The following ARID1A variants were observed in gnomAD, a reference collection of about 807,000 sequenced individuals.
ARID1A encodes the protein AT-rich interactive domain-containing protein 1A.
ARID1A carries 20 observed loss-of-function variants against 212.6 expected under a neutral mutation model. The observed-to-expected ratio is 0.09, with a 90% confidence interval of 0.07 to 0.14. ARID1A has a LOEUF of 0.14. ARID1A is among the 10% of genes least tolerant of loss of function. The pLI is 1.00. For missense variants in ARID1A, 2,587 were observed against 3,059.0 expected, an observed-to-expected ratio of 0.85 and a Z score of 3.64; for synonymous variants, 1,376 against 1,222.1, an observed-to-expected ratio of 1.13 and a Z score of -2.63.
chr1:26,732,770 A>G lies in ARID1A; in HGVS notation c.1898A>G (p.Gln633Arg). 1 of 1,613,956 alleles carries G rather than the reference A, an allele frequency of 6.2e-7. No individual in the cohort carries two copies. The highest frequency in any genetic ancestry group is 8.5e-7 in the Non-Finnish European group (1 of 1,179,814). Residue 633 changes from glutamine to arginine, a missense_variant, in exon 4 of 20, where the codon CAG becomes CGG. Transcript: ENST00000324856. ...CAAGAAGATATGAACCTGAGCCTTCAGTCAAGACCCTCCAGCTTGCCTGTG... is the reference window on the plus strand; with the variant it reads ...CAAGAAGATATGAACCTGAGCCTTCGGTCAAGACCCTCCAGCTTGCCTGTG... ...GGQEDMNLSL[Q>R]SRPSSLPDLS...
intron 19 of ARID1A, among the ~76,000 whole-genome samples, chr1:26,776,495 G>A (rs1339233754): frequency 6.6e-6 from 1 of 151,636 alleles, no homozygotes; most frequent in African/African-American, 2.4e-5. Context: ...GGATGGTCTC[G>A]ATCTCCTGAC....
rs2124062540 is a variant in ARID1A, at chr1:26,762,141, C to T, written c.2252-11C>T. 3 of 1,607,540 alleles carry T rather than the reference C, an allele frequency of 1.9e-6. No homozygotes were observed. The highest frequency in any genetic ancestry group is 1.7e-4 in the Middle Eastern group (1 of 6,034). On this transcript the variant is annotated splice_polypyrimidine_tract_variant and intron_variant, in intron 6 of 19. Transcript: ENST00000324856. ...AAAGCTAATAACTATATGGATGCTA[C>T]CCACAAATAGGTTATATGCAGAGGA...
chr1:26,737,971 C>T (rs1570582267), intron 4 of ARID1A, among the ~76,000 whole-genome samples: 1 of 151,764 alleles, frequency 6.6e-6, no homozygotes, highest in Non-Finnish European at 1.5e-5. Flanking sequence ...AGGTGAATCC[C>T]GATTTGCAGG....
chr1:26,754,665 T>C (rs897502875), intron 4 of ARID1A, among the ~76,000 whole-genome samples: 10 of 152,196 alleles, frequency 6.6e-5, no homozygotes, highest in Admixed American at 2.0e-4. Flanking sequence ...AGGCGTGACC[T>C]TTCTCCTCAG....
At chr1:26,709,455 G>A (rs1444640075) in intron 1 of ARID1A, among the ~76,000 whole-genome samples, 5 of 152,070 alleles carry the variant, frequency 3.3e-5, no homozygotes, top group African/African-American at 1.2e-4. Context: ...TAGGAAGATT[G>A]CAGCACTACC....
chr1:26,732,088 C>T (rs750669830), intron 3 of ARID1A, among the ~76,000 whole-genome samples: 1 of 152,152 alleles, frequency 6.6e-6, no homozygotes, highest in Non-Finnish European at 1.5e-5. Flanking sequence ...AGAATACTCT[C>T]AGTGGTGGCA....
intron 12 of ARID1A, 176 bp from the exon 13 acceptor site, chr1:26,772,324 C>T: frequency 2.2e-6 from 2 of 888,972 alleles, no homozygotes; most frequent in Non-Finnish European, 1.7e-6. Flanking sequence ...CTACAAAACC[C>T]TCAGATTCCC....
chr1:26,780,780 C>A lies in ARID1A; in HGVS notation c.*24C>A, dbSNP rs1441882203. The A allele has an allele frequency of 3.2e-6, 5 of 1,543,410 alleles. No individual in the cohort carries two copies. The highest frequency in any genetic ancestry group is 4.4e-6 in the Non-Finnish European group (5 of 1,146,262). On this transcript the variant is annotated 3_prime_UTR_variant, in exon 20 of 20. Coordinates refer to ENST00000324856, the MANE Select transcript of ARID1A (RefSeq NM_006015.6). The surrounding 1 kb of genome is among the most constrained non-coding windows in gnomAD (Gnocchi z 7.2). Reference sequence around the variant, plus strand: ...GACAGCCGTGGGACACCTCCCCCCCCCGTGTGTGTGTGCGTGTGTGGAGAA... The same window carrying A: ...GACAGCCGTGGGACACCTCCCCCCCACGTGTGTGTGTGCGTGTGTGGAGAA...
Position 26,696,315 on chromosome 1 carries a change from C to T in ARID1A, c.-89C>T, listed in dbSNP as rs1449697233. 2 of 1,191,236 alleles carry T rather than the reference C, an allele frequency of 1.7e-6. No homozygotes were observed. Among genetic ancestry groups the T allele is most frequent in the East Asian group, 3.5e-5 (1 of 28,614 alleles). The allele number at this position is 1,191,236 out of a possible 1,614,324, so 73.8% of individuals were successfully genotyped here. ...CCGCCCGGGCGGGTGGGGAGGGCAG[C>T]CCGGGGGACTGGGCCCCGGGGCGGG... On this transcript the variant is annotated 5_prime_UTR_variant, in exon 1 of 20. Coordinates refer to ENST00000324856, the MANE Select transcript of ARID1A (RefSeq NM_006015.6).
At chr1:26,706,288 C>T (rs1018990002) in intron 1 of ARID1A, among the ~76,000 whole-genome samples, 1 of 152,192 alleles carries the variant, frequency 6.6e-6, no homozygotes, top group South Asian at 2.1e-4. Flanking sequence ...TCATCACTAG[C>T]AGCCAAGATT....
At chr1:26,729,004 T>C in intron 1 of ARID1A, 1 of 152,232 alleles carries the variant, frequency 6.6e-6, no homozygotes, top group East Asian at 1.9e-4. Context: ...TACCATTGAA[T>C]CTTCTTGTCT....
At chr1:26,713,361 A>AT (rs200403424) in intron 1 of ARID1A, among the ~76,000 whole-genome samples, 3,118 of 137,978 alleles carry the variant, frequency 0.023, 51 homozygotes, top group African/African-American at 0.047. Flanking sequence ...GTGAAGATTG[A>AT]TTTTTTTTTT....
At chr1:26,767,556 G>T (rs1448398118) in intron 10 of ARID1A, among the ~76,000 whole-genome samples, 4 of 152,118 alleles carry the variant, frequency 2.6e-5, no homozygotes, top group Non-Finnish European at 4.4e-5. Flanking sequence ...ATATATAAAG[G>T]CATCTAGCAC....
chr1:26,770,998 A>C (rs1291383310), intron 11 of ARID1A, 121 bp from the exon 12 acceptor site: 2 of 864,148 alleles, frequency 2.3e-6, no homozygotes, highest in Non-Finnish European at 3.6e-6. Context: ...TAACTTTTTC[A>C]ATTACCTAAG....
At position 26,732,740 on chromosome 1, in the gene ARID1A, G is replaced by A. The variant is rs2124792561; in HGVS notation, c.1868G>A (p.Gly623Glu). The part of the protein sequence containing the change: ...SSAPSMTSSK[G>E]GQEDMNLSLQ... ...GCCCCCTCAATGACCTCCAGTAAGG[G>A]AGGGCAAGAAGATATGAACCTGAGC... Residue 623 changes from glycine to glutamate, a missense_variant, in exon 4 of 20, where the codon GGA (glycine) becomes GAA (glutamate). Around this residue, in one of 11 missense-constraint regions of ARID1A, gnomAD observed 674 missense variants for 813.4 expected, o/e 0.83. Transcript: ENST00000324856. 2.5e-6 allele frequency: 4 copies of A among 1,614,106 alleles called. No homozygotes were observed. The highest frequency in any genetic ancestry group is 3.4e-6 in the Non-Finnish European group (4 of 1,179,980).
Position 26,780,148 on chromosome 1 carries a change from G to T in ARID1A, c.6250G>T (p.Val2084Phe). The change falls in exon 20 of 20, where the codon GTC becomes TTC. Residue 2084 changes from valine to phenylalanine, a missense_variant. Transcript: ENST00000324856. This position sits in a 1 kb window ranked among gnomAD's most constrained non-coding sequence, Gnocchi z 7.2. Reference protein sequence around the residue: ...SPYPESICLPVLDGLLHWAVC... With the variant: ...SPYPESICLPFLDGLLHWAVC... ...ATACCCCGAGAGCATTTGCCTGCCTGTCCTGGACGGACTCCTACACTGGGC... is the reference window on the plus strand; with the variant it reads ...ATACCCCGAGAGCATTTGCCTGCCTTTCCTGGACGGACTCCTACACTGGGC... 6.2e-7 allele frequency: 1 copy of T among 1,614,158 alleles called. No homozygotes were observed. The highest frequency in any genetic ancestry group is 8.5e-7 in the Non-Finnish European group (1 of 1,180,034).
intron 1 of ARID1A, among the ~76,000 whole-genome samples, chr1:26,708,393 T>G (rs1002386458): frequency 6.7e-6 from 1 of 148,244 alleles, no homozygotes; most frequent in Non-Finnish European, 1.5e-5. Context: ...CAAGTGATTC[T>G]TCTGCCTCAG....
intron 1 of ARID1A, among the ~76,000 whole-genome samples, chr1:26,725,870 T>G (rs1557589011): frequency 6.6e-6 from 1 of 151,240 alleles, no homozygotes; most frequent in Admixed American, 6.6e-5. Flanking sequence ...TTTTTTTTTT[T>G]TTGAGACAGA....
At chr1:26,740,431 G>A (rs1233431800) in intron 4 of ARID1A, among the ~76,000 whole-genome samples, 1 of 152,230 alleles carries the variant, frequency 6.6e-6, no homozygotes, top group Non-Finnish European at 1.5e-5. Flanking sequence ...TCATGTTGAA[G>A]TTCAGTCAGT....
Sources: allele counts gnomAD v4.1 joint callset (sites outside exome capture counted in the v4.1 genomes callset), GRCh38; gene constraint gnomAD v4.1.1; regional missense constraint gnomAD v4.1.1; non-coding constraint Gnocchi (gnomAD v3.1); transcripts MANE v1.5; gene names NCBI Gene and HGNC (gene_info 2026-07-23, HGNC 2026-07-21).